PUM1: variants seen among roughly 807,000 people sequenced by gnomAD.
PUM1 encodes pumilio RNA binding family member 1.
In PUM1, 13 loss-of-function variants were observed where a neutral mutation model predicts 131.8. The ratio of observed to expected loss-of-function variants is 0.10; its 90% CI spans 0.06 to 0.16. The LOEUF (loss-of-function observed/expected upper bound fraction) is 0.16, where lower values mean the gene tolerates loss of function less well. PUM1 is among the 10% of genes least tolerant of loss of function. The pLI is 1.00. For missense variants in PUM1, 961 were observed against 1,512.4 expected (o/e 0.64, Z 6.05); for synonymous variants, 509 against 556.5 (o/e 0.91, Z 1.20).
intron 8 of PUM1, 87 bp from the exon 9 acceptor site, chr1:30,980,250 A>G (rs892498862): frequency 2.0e-6 from 2 of 1,021,762 alleles, no homozygotes; most frequent in Non-Finnish European, 3.0e-6. Context: ...TATTCACTCC[A>G]GACAGTAGAT....
chr1:31,012,123 C>A (rs939287652), intron 3 of PUM1, among the ~76,000 whole-genome samples: 1 of 152,070 alleles, frequency 6.6e-6, no homozygotes, highest in African/African-American at 2.4e-5. Context: ...ACCAAGCCAC[C>A]TTCTTAAAGA....
chr1:30,947,900 G>T (rs1181322867), intron 17 of PUM1, among the ~76,000 whole-genome samples: 7 of 149,642 alleles, frequency 4.7e-5, no homozygotes, highest in African/African-American at 7.4e-5. Context: ...TTGAAACAGG[G>T]TCTCTTAGGA....
chr1:30,958,909 T>C (rs1371091547), intron 14 of PUM1, among the ~76,000 whole-genome samples: 3 of 152,208 alleles, frequency 2.0e-5, no homozygotes, highest in Non-Finnish European at 4.4e-5. Context: ...ACATATTTTA[T>C]ATGTACACAT....
At chr1:31,050,143 G>A (rs1229076473) in intron 2 of PUM1, among the ~76,000 whole-genome samples, 4 of 152,030 alleles carry the variant, frequency 2.6e-5, no homozygotes, top group Non-Finnish European at 5.9e-5. Context: ...AACTTCTTTT[G>A]TTTACACTGG....
chr1:31,063,489 T>A (rs914373323), intron 1 of PUM1, among the ~76,000 whole-genome samples: 1 of 152,134 alleles, frequency 6.6e-6, no homozygotes, highest in African/African-American at 2.4e-5. Flanking sequence ...GAGAGAAGGA[T>A]AATGAGAGAT....
chr1:31,033,165 C>G (rs966792214), intron 2 of PUM1, among the ~76,000 whole-genome samples: 14 of 150,964 alleles, frequency 9.3e-5, no homozygotes, highest in Admixed American at 2.0e-4. Flanking sequence ...TATTGGTTAT[C>G]GAGCCAAAAA....
chr1:31,034,178 T>C (rs1481550690), intron 2 of PUM1, among the ~76,000 whole-genome samples: 1 of 152,222 alleles, frequency 6.6e-6, no homozygotes, highest in African/African-American at 2.4e-5. Context: ...TCAGTTCTTG[T>C]ACTTGCTTTA....
At position 31,015,455 on chromosome 1, in the gene PUM1, C is replaced by A. The variant is rs374908943; in HGVS notation, c.433-8353G>T. 4.1e-4 allele frequency among the ~76,000 whole-genome samples: 62 copies of A among 151,938 alleles called. No individual in the cohort carries two copies. The East Asian group carries it at 0.011, about 28-fold the overall frequency. On this transcript the variant is annotated intron_variant, in intron 3 of 21. Coordinates refer to ENST00000426105, the MANE Select transcript of PUM1 (RefSeq NM_001020658.2). ...CTCCTGGGTTCACGCCATTCTCCTG[C>A]CTCAGCTTCCCGAGTAGCTGGGAAT...
chr1:31,040,965 G>GA (rs1409333474), intron 2 of PUM1, among the ~76,000 whole-genome samples: 2 of 152,154 alleles, frequency 1.3e-5, no homozygotes, highest in Non-Finnish European at 1.5e-5. Context: ...CTACAAAGAA[G>GA]AAAACGGGAG....
In PUM1 at chr1:31,065,670, C is replaced by A; in HGVS notation, c.-66G>T. 1 of 1,549,926 alleles carries A rather than the reference C, an allele frequency of 6.5e-7. No individual in the cohort carries two copies. The highest frequency in any genetic ancestry group is 8.7e-7 in the Non-Finnish European group (1 of 1,146,886). ...CAGCCCCCCGATCTTCTCTCTCTGG[C>A]GCTCTCGCTCCCCCTTACCTTTCAC... is the stretch of plus-strand genomic sequence containing the variant. On this transcript the variant is annotated 5_prime_UTR_variant, in exon 1 of 22. Transcript: ENST00000426105.
chr1:31,010,120 A>T (rs568143354), intron 3 of PUM1, among the ~76,000 whole-genome samples: 1 of 152,232 alleles, frequency 6.6e-6, no homozygotes, highest in South Asian at 2.1e-4. Flanking sequence ...ACTATGGCAA[A>T]AAAAAAAGAA....
chr1:31,055,490 A>T (rs1644216220), intron 2 of PUM1: 1 of 431,996 alleles, frequency 2.3e-6, no homozygotes, highest in African/African-American at 2.0e-5. Flanking sequence ...ACAGAAAAGT[A>T]ACCTGTGGGT....
At chr1:31,054,030 G>A (rs1161162055) in intron 2 of PUM1, among the ~76,000 whole-genome samples, 1 of 144,512 alleles carries the variant, frequency 6.9e-6, no homozygotes, top group Non-Finnish European at 1.5e-5. Context: ...GGAGGCGGAG[G>A]TTGCAGTGAG....
intron 3 of PUM1, among the ~76,000 whole-genome samples, chr1:31,014,683 G>C (rs1040862806): frequency 1.3e-5 from 2 of 151,796 alleles, no homozygotes; most frequent in Non-Finnish European, 2.9e-5. Context: ...CAGCTACTCG[G>C]GAGGCTGAGG....
chr1:31,048,932 G>A (rs1380686734), intron 2 of PUM1, among the ~76,000 whole-genome samples: 1 of 152,098 alleles, frequency 6.6e-6, no homozygotes, highest in East Asian at 1.9e-4. Flanking sequence ...GAGGCCGGGC[G>A]CAGTGGCTCA....
chr1:31,033,421 T>C (rs2124555450), intron 2 of PUM1, among the ~76,000 whole-genome samples: 1 of 147,154 alleles, frequency 6.8e-6, no homozygotes, highest in East Asian at 2.1e-4. Context: ...AGTCTCGCTC[T>C]GTCGCCCAGG....
intron 5 of PUM1, among the ~76,000 whole-genome samples, chr1:31,004,599 C>T (rs1287515925): frequency 6.6e-6 from 1 of 152,212 alleles, no homozygotes; most frequent in Non-Finnish European, 1.5e-5. Context: ...TCACAAGCTA[C>T]TAAACCTGAC....
chr1:30,934,094 G>C (rs957249407), intron 21 of PUM1, among the ~76,000 whole-genome samples: 1 of 152,162 alleles, frequency 6.6e-6, no homozygotes, highest in African/African-American at 2.4e-5. Flanking sequence ...TCCGACCTAT[G>C]CTCTGAGTCA....
chr1:31,024,430 G>A (rs1643150308), intron 3 of PUM1, among the ~76,000 whole-genome samples: 1 of 152,130 alleles, frequency 6.6e-6, no homozygotes, highest in Non-Finnish European at 1.5e-5. Flanking sequence ...AATAAGGTAG[G>A]ATTTGTTATC....
Sources: gnomAD v4.1 joint callset for allele counts (sites outside exome capture counted in the v4.1 genomes callset) on GRCh38, gnomAD v4.1.1 for gene constraint, MANE v1.5 for transcripts, NCBI Gene and HGNC (gene_info 2026-07-23, HGNC 2026-07-21) for gene names.